The following TSPAN9 variants were observed in gnomAD, a reference collection of about 807,000 sequenced individuals.
TSPAN9 encodes the protein tetraspanin 9, also known as tetraspanin-9.
In TSPAN9, 16 loss-of-function variants were observed where a neutral mutation model predicts 31.0. The observed-to-expected ratio is 0.52, with a 90% CI of 0.35 to 0.78. TSPAN9 has a LOEUF of 0.78. Ranked by LOEUF, TSPAN9 falls within the 30% of genes least tolerant of loss-of-function variation. The pLI is 0.01. For missense variants in TSPAN9, 272 were observed against 312.5 expected (o/e 0.87, Z 0.98); for synonymous variants, 145 against 121.6 (o/e 1.19, Z -1.27).
At chr12:3,112,476 TG>T (rs1229313700) in intron 2 of TSPAN9, among the ~76,000 whole-genome samples, 7 of 151,994 alleles carry the variant, frequency 4.6e-5, no homozygotes, top group Admixed American at 4.6e-4. Flanking sequence ...GCGCCTGGCC[TG>T]TAATGTTCCA....
intron 2 of TSPAN9, among the ~76,000 whole-genome samples, chr12:3,099,885 A>C (rs1591627665): frequency 1.5e-5 from 2 of 132,032 alleles, no homozygotes; most frequent in African/African-American, 5.9e-5. Context: ...TCTGTCGCCC[A>C]GGCTGGAGTG....
intron 2 of TSPAN9, among the ~76,000 whole-genome samples, chr12:3,096,486 C>A (rs1325995489): frequency 6.6e-6 from 1 of 151,912 alleles, no homozygotes; most frequent in African/African-American, 2.4e-5. Context: ...TGGTGCTTTC[C>A]CTGTTTTCTC....
chr12:3,220,881 A>C (rs1437167793), intron 3 of TSPAN9, among the ~76,000 whole-genome samples: 1 of 152,054 alleles, frequency 6.6e-6, no homozygotes, highest in East Asian at 1.9e-4. Flanking sequence ...TGGATGAGGA[A>C]CACATTGGCC....
chr12:3,093,673 A>G (rs1039164052), intron 2 of TSPAN9, among the ~76,000 whole-genome samples: 2 of 152,136 alleles, frequency 1.3e-5, no homozygotes, highest in Admixed American at 6.5e-5. Context: ...AGTTACAGCT[A>G]TGGAAAGAAA....
At chr12:3,092,177 G>C (rs2098305078) in intron 2 of TSPAN9, among the ~76,000 whole-genome samples, 1 of 152,198 alleles carries the variant, frequency 6.6e-6, no homozygotes, top group African/African-American at 2.4e-5. Context: ...CCTGTAGCAG[G>C]TAAATTCCCC....
intron 2 of TSPAN9, among the ~76,000 whole-genome samples, chr12:3,112,032 T>C (rs2098319045): frequency 6.6e-6 from 1 of 152,034 alleles, no homozygotes; most frequent in Non-Finnish European, 1.5e-5. Context: ...TTTCTTTAGG[T>C]GTTTTGTGTT....
rs541641573 is a variant in TSPAN9, at chr12:3,236,732, G to A, written c.63+35476G>A. Among the ~76,000 whole-genome samples the A allele has an allele frequency of 5.9e-5, 9 of 152,224 alleles. No homozygotes were observed. The East Asian group carries it at 1.3e-3, about 23-fold the overall frequency. On this transcript the variant is annotated intron_variant, in intron 3 of 8. Transcript: ENST00000011898. ...AGGGGAATCATCTGAGAGTCCAGGC[G>A]GTGGGGTATTTTTGGTAGCAGGCTC...
At chr12:3,239,486 C>T (rs2098395465) in intron 3 of TSPAN9, among the ~76,000 whole-genome samples, 1 of 152,216 alleles carries the variant, frequency 6.6e-6, no homozygotes, top group Non-Finnish European at 1.5e-5. Context: ...TTCCTCAAGA[C>T]CTCCATGGGC....
At chr12:3,217,505 C>T (rs375021840) in intron 3 of TSPAN9, among the ~76,000 whole-genome samples, 5 of 152,190 alleles carry the variant, frequency 3.3e-5, no homozygotes, top group African/African-American at 1.2e-4. Flanking sequence ...GTCCAGAGGC[C>T]CCGTGTCATT....
intron 3 of TSPAN9, among the ~76,000 whole-genome samples, chr12:3,263,867 C>T (rs561200565): frequency 5.9e-5 from 9 of 152,146 alleles, no homozygotes; most frequent in Middle Eastern, 3.4e-3. Context: ...TGGATTGGAC[C>T]GAGAACAGTG....
Position 3,267,328 on chromosome 12 carries a change from C to G in TSPAN9, c.64-11093C>G, listed in dbSNP as rs571500344. 1.3e-3 allele frequency among the ~76,000 whole-genome samples: 192 copies of G among 152,332 alleles called. 2 individuals carry two copies. The highest frequency in any genetic ancestry group is 2.5e-3 in the Non-Finnish European group (173 of 68,044). Reference sequence around the variant, plus strand: ...ACACAAAGTGCTCGGCAGGCGGAACCCTGTTCATCCCCACGGTGTCCCTGA... The same window carrying G: ...ACACAAAGTGCTCGGCAGGCGGAACGCTGTTCATCCCCACGGTGTCCCTGA... On this transcript the variant is annotated intron_variant, in intron 3 of 8. Coordinates refer to ENST00000011898, the MANE Select transcript of TSPAN9 (RefSeq NM_006675.5).
intron 2 of TSPAN9, among the ~76,000 whole-genome samples, chr12:3,157,723 T>C (rs2098342987): frequency 1.3e-5 from 2 of 152,170 alleles, no homozygotes; most frequent in South Asian, 4.1e-4. Context: ...GTCCCAGACC[T>C]TGTAGGCCGT....
At chr12:3,253,879 G>GC (rs1862298918) in intron 3 of TSPAN9, among the ~76,000 whole-genome samples, 2 of 152,204 alleles carry the variant, frequency 1.3e-5, no homozygotes, top group African/African-American at 4.8e-5. Context: ...ATGTTTGGAA[G>GC]CCCCAGAACC....
rs1429462270 is a variant in TSPAN9 at position 3,168,259 on chromosome 12, C to A, written c.-17-32918C>A. Among the ~76,000 whole-genome samples the A allele has an allele frequency of 6.6e-6, 1 of 152,216 alleles. No homozygotes were observed. ...TCCCTCTACACTGTGCCAGCTCTTT[C>A]CAGATGCTTCAAACCTTTTTAGTTG... On this transcript the variant is annotated intron_variant, in intron 2 of 8. Transcript: ENST00000011898. This position sits in a 1 kb window ranked among gnomAD's most constrained non-coding sequence, Gnocchi z 4.0.
At chr12:3,101,729 T>G (rs1045254817) in intron 2 of TSPAN9, among the ~76,000 whole-genome samples, 4 of 152,182 alleles carry the variant, frequency 2.6e-5, no homozygotes, top group Non-Finnish European at 4.4e-5. Context: ...GGTCAGCCCC[T>G]TCTGTCAGCA....
At chr12:3,174,652 C>T (rs1047758111) in intron 2 of TSPAN9, among the ~76,000 whole-genome samples, 68 of 151,752 alleles carry the variant, frequency 4.5e-4, no homozygotes, top group African/African-American at 1.6e-3. Flanking sequence ...GCGCGATCTC[C>T]GCTCACTGCA....
intron 3 of TSPAN9, among the ~76,000 whole-genome samples, chr12:3,263,917 C>T (rs973063009): frequency 2.0e-5 from 3 of 152,046 alleles, no homozygotes; most frequent in African/African-American, 4.8e-5. Context: ...AGGGACATGC[C>T]GTGAGCGGGT....
chr12:3,106,593 G>C (rs75084601), intron 2 of TSPAN9, among the ~76,000 whole-genome samples: 5,864 of 152,088 alleles, frequency 0.039, 393 homozygotes, highest in African/African-American at 0.13. Context: ...AACATAATGA[G>C]AACCCTGTCT....
intron 3 of TSPAN9, among the ~76,000 whole-genome samples, chr12:3,221,142 T>TGCAGGCGTTGTTA (rs138129053): frequency 0.043 from 6,574 of 152,148 alleles, 154 homozygotes; most frequent in African/African-American, 0.068. Context: ...CTGTCCTGAC[T>TGCAGGCGTTGTTA]GGGCAGTCCT....
Sources: allele counts gnomAD v4.1 joint callset (sites outside exome capture counted in the v4.1 genomes callset), GRCh38; gene constraint gnomAD v4.1.1; non-coding constraint Gnocchi (gnomAD v3.1); transcripts MANE v1.5; gene names NCBI Gene and HGNC (gene_info 2026-07-23, HGNC 2026-07-21).